The following SHROOM2 variants were observed in gnomAD, a reference collection of about 807,000 sequenced individuals.
SHROOM2 encodes shroom family member 2, also known as protein Shroom2.
SHROOM2 carries 33 observed loss-of-function variants against 75.9 expected under a neutral mutation model. The ratio of observed to expected loss-of-function variants is 0.43; its 90% CI spans 0.33 to 0.58. The LOEUF is 0.58. Among genes scored for constraint, SHROOM2 ranks in the 20% least tolerant of loss-of-function variants. The pLI, the probability that SHROOM2 is intolerant of heterozygous loss-of-function variation, is 0.04. For synonymous variants in SHROOM2, 655 were observed against 663.6 expected, an observed-to-expected ratio of 0.99 and a Z score of 0.20; for missense variants, 1,434 against 1,461.2, an observed-to-expected ratio of 0.98 and a Z score of 0.30.
At chrX:9,878,871 TTGTC>T (rs1451337090) in intron 2 of SHROOM2, among the ~76,000 whole-genome samples, 7 of 111,321 alleles carry the variant, frequency 6.3e-5, no homozygotes, top group Non-Finnish European at 1.1e-4. Flanking sequence ...TCTGATGTCT[TTGTC>T]TGTGATTCAG....
chrX:9,876,144 A>G (rs759253073), intron 2 of SHROOM2, among the ~76,000 whole-genome samples: 12 of 112,748 alleles, frequency 1.1e-4, no homozygotes, highest in African/African-American at 3.9e-4. Flanking sequence ...GATGTGGACA[A>G]AATGATAATG....
chrX:9,943,120 G>A (rs1357444315), intron 8 of SHROOM2, among the ~76,000 whole-genome samples: 2 of 110,117 alleles, frequency 1.8e-5, no homozygotes, highest in African/African-American at 3.3e-5. Context: ...TAGCTGCTTA[G>A]GAGGCTGAGG....
intron 1 of SHROOM2, among the ~76,000 whole-genome samples, chrX:9,826,818 C>A (rs1334696504): frequency 8.9e-6 from 1 of 112,287 alleles, no homozygotes; most frequent in African/African-American, 3.2e-5. Context: ...GAAAAGATTA[C>A]TATGTACATT....
Position 9,898,419 on chromosome X carries a change from C to T in SHROOM2, c.2891+129C>T, listed in dbSNP as rs779101599. 35 of 512,724 alleles carry T rather than the reference C, an allele frequency of 6.8e-5. No individual in the cohort carries two copies. The Admixed American group carries it at 9.2e-4, about 13-fold the overall frequency. The allele number at this position is 512,724 out of a possible 1,213,427, so 42.3% of individuals were successfully genotyped here. ...CAAACCCAAAGCGGCTGAAATCCGG[C>T]GTGATTTCTAGCATCCCTGACGTAC... On this transcript the variant is annotated intron_variant, in intron 5 of 9. Coordinates refer to ENST00000380913, the MANE Select transcript of SHROOM2 (RefSeq NM_001649.4).
rs756490512 is a variant in SHROOM2 at position 9,922,227 on chromosome X, T to A, written c.2892-9948T>A. Among the ~76,000 whole-genome samples the A allele has an allele frequency of 2.6e-4, 29 of 111,074 alleles. No individual in the cohort carries two copies. In the East Asian group the frequency reaches 5.4e-3, roughly 21 times the overall value. ...TGCCACCATACTTGGATAATTTTTT[T>A]AAAAACTTTTCTTTCGGTACCAGAT... On this transcript the variant is annotated intron_variant, in intron 5 of 9. Transcript: ENST00000380913.
At chrX:9,868,395 G>A (rs2084152586) in intron 1 of SHROOM2, among the ~76,000 whole-genome samples, 1 of 109,400 alleles carries the variant, frequency 9.1e-6, no homozygotes, top group African/African-American at 3.3e-5. Flanking sequence ...ACAGGAGCGT[G>A]CCACCAAGCC....
At chrX:9,945,615 A>G (rs1281956370) in intron 9 of SHROOM2, among the ~76,000 whole-genome samples, 1 of 111,984 alleles carries the variant, frequency 8.9e-6, no homozygotes, top group East Asian at 2.8e-4. Context: ...TACCATGTAT[A>G]AGTCCGTAAC....
intron 8 of SHROOM2, among the ~76,000 whole-genome samples, chrX:9,942,299 G>C (rs2084779114): frequency 8.9e-6 from 1 of 111,836 alleles, no homozygotes; most frequent in African/African-American, 3.3e-5. Context: ...GTGTGAGGGG[G>C]GTTTCCCACA....
At chrX:9,847,864 G>A (rs142996331) in intron 1 of SHROOM2, among the ~76,000 whole-genome samples, 1,894 of 111,696 alleles carry the variant, frequency 0.017, 28 homozygotes, top group Non-Finnish European at 0.025. Flanking sequence ...TGATTTACTC[G>A]TGTTGTAACA....
At position 9,823,026 on chromosome X, in the gene SHROOM2, TCTCCTCCTCCTCCTCCTCCTCCTCCTC is replaced by T. The variant is rs1184264540; in HGVS notation, c.165+36339_165+36365del. Reference sequence around the variant, plus strand: ...TTCTTCTTCTTCTTCTCCTTCTCCTTCTCCTCCTCCTCCTCCTCCTCCTCCTCCTCCTCCTCCTCCTCCTCCTCCCTT... The same window carrying T: ...TTCTTCTTCTTCTTCTCCTTCTCCTTCTCCTCCTCCTCCTCCTCCTCCCTT... On this transcript the variant is annotated intron_variant, in intron 1 of 9. Coordinates refer to ENST00000380913, the MANE Select transcript of SHROOM2 (RefSeq NM_001649.4). Among the ~76,000 whole-genome samples, 10 of 30,439 alleles carry T rather than the reference TCTCCTCCTCCTCCTCCTCCTCCTCCTC, an allele frequency of 3.3e-4. No homozygotes were observed. In the East Asian group the frequency reaches 4.0e-3, roughly 12 times the overall value. 26.4% of individuals were successfully genotyped at this position (30,439 alleles called of 115,157 possible).
intron 8 of SHROOM2, among the ~76,000 whole-genome samples, chrX:9,940,633 G>A (rs1350135239): frequency 2.7e-5 from 3 of 112,098 alleles, no homozygotes; most frequent in African/African-American, 3.2e-5. Flanking sequence ...TGGACAAAGC[G>A]GCCACTGCTG....
chrX:9,907,733 G>C (rs1008615142), intron 5 of SHROOM2, among the ~76,000 whole-genome samples: 2 of 112,017 alleles, frequency 1.8e-5, no homozygotes, highest in African/African-American at 6.5e-5. Context: ...TTAGTCAGGG[G>C]TTAGCAAACT....
At chrX:9,822,214 G>A (rs761280836) in intron 1 of SHROOM2, among the ~76,000 whole-genome samples, 22 of 111,855 alleles carry the variant, frequency 2.0e-4, no homozygotes, top group Non-Finnish European at 3.6e-4. Flanking sequence ...CCCCGATTGA[G>A]GGAGAAACTC....
chrX:9,824,457 T>C (rs1237748272), intron 1 of SHROOM2, among the ~76,000 whole-genome samples: 1 of 110,738 alleles, frequency 9.0e-6, no homozygotes, highest in Non-Finnish European at 1.9e-5. Context: ...AATAAATAAA[T>C]AGAATAAAAT....
In SHROOM2 at chrX:9,932,587, C is replaced by G; in HGVS notation, c.3304C>G (p.Leu1102Val). Residue 1102 changes from leucine (L) to valine (V), a missense_variant, in exon 6 of 10, where the codon CTG becomes GTG. Coordinates refer to ENST00000380913, the MANE Select transcript of SHROOM2 (RefSeq NM_001649.4). ...RPFPTPSPAS[L>V]DVYVARLSLS... ...CTTCCCAACGCCATCCCCTGCGTCC[C>G]TGGATGTGTATGTGGCCCGCCTGTC... The G allele has an allele frequency of 8.3e-7, 1 of 1,211,976 alleles. No individual in the cohort carries two copies. The highest frequency in any genetic ancestry group is 1.1e-6 in the Non-Finnish European group (1 of 895,485).
intron 1 of SHROOM2, among the ~76,000 whole-genome samples, chrX:9,828,467 C>A (rs189228965): frequency 7.4e-4 from 82 of 111,330 alleles, no homozygotes; most frequent in Middle Eastern, 9.2e-3. Flanking sequence ...TGTTCTTCTT[C>A]TTATTATTAT....
chrX:9,912,582 AGCACG>A (rs1202251343), intron 5 of SHROOM2: 1 of 111,572 alleles, frequency 9.0e-6, no homozygotes. Context: ...ACTCCCATCC[AGCACG>A]GTAAGCAGAG....
intron 4 of SHROOM2, 39 bp from the exon 5 acceptor site, chrX:9,898,151 G>T (rs1357031871): frequency 1.9e-6 from 2 of 1,077,543 alleles, no homozygotes; most frequent in East Asian, 6.5e-5. Flanking sequence ...GAGGAAGGCA[G>T]CTTGAGGACT....
chrX:9,810,816 C>G (rs753824998), intron 1 of SHROOM2, among the ~76,000 whole-genome samples: 7 of 110,656 alleles, frequency 6.3e-5, no homozygotes, highest in African/African-American at 2.3e-4. Context: ...AAAGTATTGT[C>G]ACCTAATTGG....
Sources: gnomAD v4.1 joint callset for allele counts (sites outside exome capture counted in the v4.1 genomes callset) on GRCh38, gnomAD v4.1.1 for gene constraint, MANE v1.5 for transcripts, NCBI Gene and HGNC (gene_info 2026-07-23, HGNC 2026-07-21) for gene names.